HDAC4: variants seen among roughly 807,000 people sequenced by gnomAD.
HDAC4 encodes histone deacetylase 4.
HDAC4 carries 16 observed loss-of-function variants against 135.1 expected under a neutral mutation model. The observed-to-expected ratio is 0.12, with a 90% CI of 0.08 to 0.18. The LOEUF is 0.18. HDAC4 is among the 10% of genes least tolerant of loss of function. The probability of loss-of-function intolerance (pLI) is 1.00; values close to 1 mark genes in which losing one functional copy is unlikely to be tolerated. For synonymous variants in HDAC4, 685 were observed against 653.4 expected (o/e 1.05, Z -0.74); for missense variants, 1,143 against 1,511.8 (o/e 0.76, Z 4.05).
chr2:239,238,236 A>C (rs1184460004), intron 2 of HDAC4, among the ~76,000 whole-genome samples: 1 of 152,198 alleles, frequency 6.6e-6, no homozygotes, highest in Non-Finnish European at 1.5e-5. Context: ...TCATTTTTAT[A>C]ATAAATAAAA....
chr2:239,094,347 G>C (rs896439843), intron 17 of HDAC4: 24 of 985,322 alleles, frequency 2.4e-5, no homozygotes, highest in African/African-American at 3.5e-5. Flanking sequence ...TGGACGGATG[G>C]GCAGATGCCC....
intron 12 of HDAC4, among the ~76,000 whole-genome samples, chr2:239,122,326 G>A (rs1011170593): frequency 4.6e-5 from 7 of 152,156 alleles, no homozygotes; most frequent in African/African-American, 9.7e-5. Flanking sequence ...TCCAACGAAC[G>A]TCCTCTTTTA....
At chr2:239,095,149 C>A (rs1274574218) in intron 16 of HDAC4, 93 bp from the exon 17 acceptor site, 6 of 1,368,380 alleles carry the variant, frequency 4.4e-6, no homozygotes, top group Admixed American at 1.7e-5. Context: ...TTCAGTGGCA[C>A]TTGGGCATTT....
intron 8 of HDAC4, among the ~76,000 whole-genome samples, chr2:239,142,144 G>A (rs1329408959): frequency 6.6e-6 from 1 of 152,132 alleles, no homozygotes; most frequent in Non-Finnish European, 1.5e-5. Context: ...ATTCACTCTG[G>A]ACAGAGTGCG....
chr2:239,159,852 G>C (rs1268621413), intron 6 of HDAC4, among the ~76,000 whole-genome samples: 1 of 152,274 alleles, frequency 6.6e-6, no homozygotes, highest in Non-Finnish European at 1.5e-5. Flanking sequence ...CACAGACGCT[G>C]GGCCAGGAGC....
At chr2:239,321,680 T>C (rs547866816) in intron 2 of HDAC4, among the ~76,000 whole-genome samples, 1 of 152,172 alleles carries the variant, frequency 6.6e-6, no homozygotes, top group South Asian at 2.1e-4. Flanking sequence ...CCTGTCAGAG[T>C]ACAGGATGCT....
rs894941251 is a variant in HDAC4 at position 239,285,319 on chromosome 2, C to G, written c.23-48655G>C. ...AGTGGAGAACGCGCCGCGGCTGGGC[C>G]CCCAAGTTCGCGGCTGTGCAGCGTG... On this transcript the variant is annotated intron_variant, in intron 2 of 26. Transcript: ENST00000543185. This position sits in a 1 kb window ranked among gnomAD's most constrained non-coding sequence, Gnocchi z 4.5. Among the ~76,000 whole-genome samples, 1 of 152,200 alleles carries G rather than the reference C, an allele frequency of 6.6e-6. No homozygotes were observed. The highest frequency in any genetic ancestry group is 2.4e-5 in the African/African-American group (1 of 41,454).
chr2:239,287,360 C>T (rs2051197516), intron 2 of HDAC4, among the ~76,000 whole-genome samples: 1 of 152,124 alleles, frequency 6.6e-6, no homozygotes, highest in Non-Finnish European at 1.5e-5. Context: ...GTCCCTTAAT[C>T]AGAATTTGTT....
chr2:239,131,732 C>T (rs1222227716), intron 11 of HDAC4, among the ~76,000 whole-genome samples: 2 of 152,246 alleles, frequency 1.3e-5, no homozygotes, highest in East Asian at 1.9e-4. Context: ...CAGTGCCGCC[C>T]TGCCAGGACC....
At chr2:239,249,114 C>T (rs1036962034) in intron 2 of HDAC4, among the ~76,000 whole-genome samples, 4 of 152,178 alleles carry the variant, frequency 2.6e-5, no homozygotes, top group Non-Finnish European at 4.4e-5. Context: ...GCATTTGAGC[C>T]GACACCTGAA....
In HDAC4 at chr2:239,139,238, A is replaced by G. The variant is rs1480472511; in HGVS notation, c.978+446T>C. Among the ~76,000 whole-genome samples, 2 of 152,218 alleles carry G rather than the reference A, an allele frequency of 1.3e-5. No homozygotes were observed. The highest frequency in any genetic ancestry group is 4.8e-5 in the African/African-American group (2 of 41,454). ...GACATCGTGTTGTGTATTTCTCAATACAAAATAAAAAATGTTAAGTCTCAC... is the reference window on the plus strand; with the variant it reads ...GACATCGTGTTGTGTATTTCTCAATGCAAAATAAAAAATGTTAAGTCTCAC... On this transcript the variant is annotated intron_variant, in intron 9 of 26. Coordinates refer to ENST00000543185, the MANE Select transcript of HDAC4 (RefSeq NM_001378414.1). The surrounding 1 kb of genome is among the most constrained non-coding windows in gnomAD (Gnocchi z 5.3).
chr2:239,297,773 G>A (rs752581804), intron 2 of HDAC4, among the ~76,000 whole-genome samples: 1 of 152,292 alleles, frequency 6.6e-6, no homozygotes. Flanking sequence ...CACAACGAAG[G>A]CCACAAATGC....
At chr2:239,255,119 A>G (rs187019493) in intron 2 of HDAC4, among the ~76,000 whole-genome samples, 2 of 152,382 alleles carry the variant, frequency 1.3e-5, no homozygotes, top group East Asian at 3.8e-4. Flanking sequence ...TGAACTAACA[A>G]GGGATTATGT....
intron 2 of HDAC4, among the ~76,000 whole-genome samples, chr2:239,290,976 T>C (rs185447588): frequency 1.3e-5 from 2 of 152,230 alleles, no homozygotes; most frequent in African/African-American, 2.4e-5. Context: ...TCATGACTAA[T>C]GGAATAAGTG....
At chr2:239,192,503 A>G (rs2045054882) in intron 3 of HDAC4, among the ~76,000 whole-genome samples, 1 of 152,244 alleles carries the variant, frequency 6.6e-6, no homozygotes, top group Admixed American at 6.5e-5. Flanking sequence ...GAGCTAAGTC[A>G]GCAAACTCGC....
rs536127668 is a variant in HDAC4, at chr2:239,188,915, C to A, written c.339+918G>T. Among the ~76,000 whole-genome samples the A allele has an allele frequency of 1.3e-4, 20 of 152,396 alleles. No individual in the cohort carries two copies. In the South Asian group the frequency reaches 4.1e-3, roughly 32 times the overall value. ...TCCCGCCTCAGTCCAGTCAACCCTG[C>A]AGATGAGACCACAGCCCTGCCTGAC... On this transcript the variant is annotated intron_variant, in intron 4 of 26. Transcript: ENST00000543185.
chr2:239,107,802 A>C (rs1254436350), intron 15 of HDAC4, among the ~76,000 whole-genome samples: 1 of 152,108 alleles, frequency 6.6e-6, no homozygotes, highest in African/African-American at 2.4e-5. Flanking sequence ...AACATCAGGA[A>C]AGGTCACAGA....
At chr2:239,150,045 T>A (rs1230673133) in intron 7 of HDAC4, among the ~76,000 whole-genome samples, 1 of 152,162 alleles carries the variant, frequency 6.6e-6, no homozygotes, top group Non-Finnish European at 1.5e-5. Context: ...CCAACTTATA[T>A]CTATGTCTTA....
intron 2 of HDAC4, among the ~76,000 whole-genome samples, chr2:239,340,036 G>T (rs1454778055): frequency 6.6e-6 from 1 of 152,204 alleles, no homozygotes; most frequent in Non-Finnish European, 1.5e-5. Flanking sequence ...AAAGCAAGAA[G>T]AGTGGGATGT....
Sources: gnomAD v4.1 joint callset for allele counts (sites outside exome capture counted in the v4.1 genomes callset) on GRCh38, gnomAD v4.1.1 for gene constraint, Gnocchi (gnomAD v3.1) non-coding constraint, MANE v1.5 for transcripts, NCBI Gene and HGNC (gene_info 2026-07-23, HGNC 2026-07-21) for gene names.